Variants in PCDHGA9 observed in about 807,000 individuals in gnomAD.
The protein encoded by PCDHGA9 is protocadherin gamma subfamily A, 9, also known as protocadherin gamma-A9.
PCDHGA9 carries 37 observed loss-of-function variants against 62.5 expected under a neutral mutation model. The observed-to-expected ratio is 0.59, with a 90% confidence interval of 0.46 to 0.78. PCDHGA9 has a LOEUF of 0.78. PCDHGA9 is among the 30% of genes least tolerant of loss of function. The pLI is 0.00. For synonymous variants in PCDHGA9, 459 were observed against 484.6 expected (o/e 0.95, Z 0.69); for missense variants, 1,138 against 1,166.2 (o/e 0.98, Z 0.35).
At chr5:141,494,326 G>C (rs2154591458) in intron 1 of PCDHGA9, among the ~76,000 whole-genome samples, 1 of 152,312 alleles carries the variant, frequency 6.6e-6, no homozygotes, top group Middle Eastern at 3.4e-3. Context: ...GGCACCAAAA[G>C]GGTTACCAAG....
At chr5:141,443,054 A>G (rs1591749542) in intron 1 of PCDHGA9, among the ~76,000 whole-genome samples, 1 of 152,218 alleles carries the variant, frequency 6.6e-6, no homozygotes. Flanking sequence ...TTATTGTTCC[A>G]CTGAAGAGCG....
Position 141,490,503 on chromosome 5 carries a change from C to A in PCDHGA9, c.2425-4304C>A, listed in dbSNP as rs2099701103. On this transcript the variant is annotated intron_variant, in intron 1 of 3. Coordinates refer to ENST00000573521, the MANE Select transcript of PCDHGA9 (RefSeq NM_018921.3). The surrounding 1 kb of genome is among the most constrained non-coding windows in gnomAD (Gnocchi z 5.4). ...ACCGGGAGGCCACATCCCACTATAT[C>A]ATCGAGCTGCTGGCCAGCGATGCTG... 3.7e-6 allele frequency: 6 copies of A among 1,614,206 alleles called. No individual in the cohort carries two copies. In the African/African-American group the frequency reaches 8.0e-5, roughly 22 times the overall value.
intron 1 of PCDHGA9, among the ~76,000 whole-genome samples, chr5:141,450,259 C>A (rs1243327669): frequency 6.6e-6 from 1 of 152,118 alleles, no homozygotes; most frequent in East Asian, 1.9e-4. Context: ...CTCAAGTGAT[C>A]TGCCCACCTC....
At chr5:141,414,421 A>G (rs1250470349) in intron 1 of PCDHGA9, 1 of 1,613,776 alleles carries the variant, frequency 6.2e-7, no homozygotes, top group African/African-American at 1.3e-5. Flanking sequence ...AGCCCTTGAC[A>G]GGGAACAGGT....
chr5:141,427,973 C>T (rs754410723), intron 1 of PCDHGA9: 3 of 1,594,054 alleles, frequency 1.9e-6, no homozygotes, highest in Non-Finnish European at 2.6e-6. Context: ...TGCTGTACCC[C>T]GCGCTGGGGC....
intron 1 of PCDHGA9, chr5:141,423,881 G>A (rs2096788712): frequency 7.8e-7 from 1 of 1,281,784 alleles, no homozygotes; most frequent in Non-Finnish European, 9.9e-7. Flanking sequence ...TTCAATCTTG[G>A]CATATTTTCT....
rs747137239 is a variant in PCDHGA9, at chr5:141,405,352, T to C, written c.2400T>C (p.Pro800=). ...PLCVSVDSKF[P]IEDTPLVPQA... is the part of the protein sequence containing the mutation. Reference sequence around the variant, plus strand: ...GCGTCTCTGTTGATTCCAAGTTTCCTATAGAAGACACCCCTTTGGTTCCGG... The same window carrying C: ...GCGTCTCTGTTGATTCCAAGTTTCCCATAGAAGACACCCCTTTGGTTCCGG... The change falls in exon 1 of 4, where the codon CCT becomes CCC. Residue 800 remains proline (P), a synonymous_variant. Coordinates refer to ENST00000573521, the MANE Select transcript of PCDHGA9 (RefSeq NM_018921.3). 12 of 1,614,170 alleles carry C rather than the reference T, an allele frequency of 7.4e-6. No individual in the cohort carries two copies. The highest frequency in any genetic ancestry group is 1.6e-4 in the Middle Eastern group (1 of 6,062).
Position 141,489,517 on chromosome 5 carries a change from G to C in PCDHGA9, c.2425-5290G>C. The C allele has an allele frequency of 6.2e-7, 1 of 1,614,136 alleles. No individual in the cohort carries two copies. Among genetic ancestry groups the C allele is most frequent in the Non-Finnish European group, 8.5e-7 (1 of 1,180,044 alleles). On this transcript the variant is annotated intron_variant, in intron 1 of 3. Transcript: ENST00000573521. The surrounding 1 kb of genome is among the most constrained non-coding windows in gnomAD (Gnocchi z 4.5). ...GGCAGTGAATCAAAAGATTGACCGA[G>C]AAAGCCTATGTGGAGCCAGCACCAG...
At chr5:141,478,236 TCA>T in intron 1 of PCDHGA9, 3 of 1,614,156 alleles carry the variant, frequency 1.9e-6, no homozygotes, top group Non-Finnish European at 2.5e-6. Flanking sequence ...GGGTTTGTGG[TCA>T]CAGTGTTCGG....
At position 141,410,351 on chromosome 5, in the gene PCDHGA9, C is replaced by T. The variant is rs372351374; in HGVS notation, c.2424+4975C>T. ...TCTGGCCATTGCCTTGCGCCTGCGA[C>T]GCTCTCTCAGCCCTGCTACTTGGGA... On this transcript the variant is annotated intron_variant, in intron 1 of 3. Coordinates refer to ENST00000573521, the MANE Select transcript of PCDHGA9 (RefSeq NM_018921.3). The T allele has an allele frequency of 2.5e-6, 4 of 1,613,948 alleles. No homozygotes were observed. In the African/African-American group the frequency reaches 4.0e-5, roughly 16 times the overall value.
At position 141,431,245 on chromosome 5, in the gene PCDHGA9, C is replaced by T; in HGVS notation, c.2424+25869C>T. The T allele has an allele frequency of 1.2e-6, 2 of 1,614,134 alleles. No individual in the cohort carries two copies. The highest frequency in any genetic ancestry group is 1.7e-6 in the Non-Finnish European group (2 of 1,180,038). ...TACCCCACGCCTGGGATCCGGATATCGGGAAGAACTCTCTGCAGAGCTACG... is the reference window on the plus strand; with the variant it reads ...TACCCCACGCCTGGGATCCGGATATTGGGAAGAACTCTCTGCAGAGCTACG... On this transcript the variant is annotated intron_variant, in intron 1 of 3. Transcript: ENST00000573521. This position sits in a 1 kb window ranked among gnomAD's most constrained non-coding sequence, Gnocchi z 4.8.
At chr5:141,503,241 A>G (rs1399557839) in intron 2 of PCDHGA9, among the ~76,000 whole-genome samples, 1 of 152,074 alleles carries the variant, frequency 6.6e-6, no homozygotes, top group Non-Finnish European at 1.5e-5. Context: ...GACAGTTTCT[A>G]TCATACTCAC....
rs991408001 is a variant in PCDHGA9, at chr5:141,450,171, C to G, written c.2425-44636C>G. Among the ~76,000 whole-genome samples, 5 of 151,690 alleles carry G rather than the reference C, an allele frequency of 3.3e-5. No individual in the cohort carries two copies. In the East Asian group the frequency reaches 7.8e-4, roughly 24 times the overall value. ...ACAGGCATGTGCCACCACACTCCCACCACACCCAGCTAATTTTTGTATTTT... is the reference window on the plus strand; with the variant it reads ...ACAGGCATGTGCCACCACACTCCCAGCACACCCAGCTAATTTTTGTATTTT... On this transcript the variant is annotated intron_variant, in intron 1 of 3. Transcript: ENST00000573521.
intron 3 of PCDHGA9, among the ~76,000 whole-genome samples, chr5:141,510,624 A>C (rs2099881973): frequency 6.6e-6 from 1 of 152,164 alleles, no homozygotes; most frequent in African/African-American, 2.4e-5. Flanking sequence ...TAAAACCAGA[A>C]GAGGTGGTTA....
chr5:141,403,416 C>G lies in PCDHGA9; in HGVS notation c.464C>G (p.Pro155Arg). 1 of 1,614,034 alleles carries G rather than the reference C, an allele frequency of 6.2e-7. No homozygotes were observed. The highest frequency in any genetic ancestry group is 8.5e-7 in the Non-Finnish European group (1 of 1,179,904). ...GTTCCTGGAGCACGTTATCCACTTC[C>G]AGAAGCTATTGATCCGGATGTTGGC... Reference protein sequence around the residue: ...IAVPGARYPLPEAIDPDVGVN... With the variant: ...IAVPGARYPLREAIDPDVGVN... The change falls in exon 1 of 4, where the codon CCA becomes CGA. Residue 155 changes from proline (P) to arginine (R), a missense_variant. Transcript: ENST00000573521.
intron 1 of PCDHGA9, chr5:141,420,202 C>G: frequency 1.2e-6 from 2 of 1,613,256 alleles, no homozygotes; most frequent in Non-Finnish European, 1.7e-6. Context: ...AAGATAACCT[C>G]AACAAAGATA....
At chr5:141,461,408 CAT>C (rs1491314585) in intron 1 of PCDHGA9, among the ~76,000 whole-genome samples, 2 of 151,994 alleles carry the variant, frequency 1.3e-5, no homozygotes, top group South Asian at 2.1e-4. Flanking sequence ...AGCATTTTTT[CAT>C]ATGTTTGTGG....
chr5:141,410,897 A>G (rs1276742953), intron 1 of PCDHGA9: 1 of 273,412 alleles, frequency 3.7e-6, no homozygotes, highest in African/African-American at 3.4e-5. Flanking sequence ...ACTGTTGCCT[A>G]GGCTGGAGTG....
At chr5:141,413,182 G>T (rs752788034) in intron 1 of PCDHGA9, 2 of 1,604,164 alleles carry the variant, frequency 1.2e-6, no homozygotes, top group Admixed American at 3.4e-5. Flanking sequence ...TACAATGGCC[G>T]CTCAAAGGAA....
Sources: allele counts gnomAD v4.1 joint callset (sites outside exome capture counted in the v4.1 genomes callset), GRCh38; gene constraint gnomAD v4.1.1; non-coding constraint Gnocchi (gnomAD v3.1); transcripts MANE v1.5; gene names NCBI Gene and HGNC (gene_info 2026-07-23, HGNC 2026-07-21).